The following PKNOX2 variants were observed in gnomAD, a reference collection of about 807,000 sequenced individuals.
PKNOX2 encodes PBX/knotted 1 homeobox 2, also known as homeobox protein PKNOX2.
In PKNOX2, 14 loss-of-function variants were observed where a neutral mutation model predicts 53.1. The ratio of observed to expected loss-of-function variants is 0.26; its 90% confidence interval spans 0.17 to 0.41. PKNOX2 has a LOEUF of 0.41. PKNOX2 is among the 10% of genes least tolerant of loss of function. The probability of loss-of-function intolerance (pLI) is 1.00; values close to 1 mark genes in which losing one functional copy is unlikely to be tolerated. For missense variants in PKNOX2, 496 were observed against 602.8 expected, an observed-to-expected ratio of 0.82 and a Z score of 1.85; for synonymous variants, 257 against 242.8, an observed-to-expected ratio of 1.06 and a Z score of -0.54.
intron 1 of PKNOX2, among the ~76,000 whole-genome samples, chr11:125,185,219 C>A (rs1239524333): frequency 6.6e-6 from 1 of 152,208 alleles, no homozygotes; most frequent in Non-Finnish European, 1.5e-5. Flanking sequence ...GTTGCAAAAC[C>A]TGTGTACATT....
At chr11:125,232,788 G>T (rs532632821) in intron 1 of PKNOX2, among the ~76,000 whole-genome samples, 175 of 151,628 alleles carry the variant, frequency 1.2e-3, no homozygotes, top group Non-Finnish European at 2.1e-3. Flanking sequence ...TCATATCCTG[G>T]GCTCATTTTG....
At chr11:125,327,374 G>A (rs1411087137) in intron 2 of PKNOX2, among the ~76,000 whole-genome samples, 1 of 152,236 alleles carries the variant, frequency 6.6e-6, no homozygotes, top group Non-Finnish European at 1.5e-5. Context: ...TTTATCTTCA[G>A]TGTGAAGCTC....
At chr11:125,290,032 G>A (rs962290102) in intron 2 of PKNOX2, among the ~76,000 whole-genome samples, 13 of 152,228 alleles carry the variant, frequency 8.5e-5, no homozygotes, top group African/African-American at 3.1e-4. Flanking sequence ...GCATGAAAGA[G>A]TGGAGGATCA....
chr11:125,202,322 G>T (rs915142177), intron 1 of PKNOX2, among the ~76,000 whole-genome samples: 3 of 152,132 alleles, frequency 2.0e-5, no homozygotes, highest in Admixed American at 1.3e-4. Flanking sequence ...CTCACCAAGG[G>T]GCCTTATCCC....
At chr11:125,245,105 G>A (rs1408390863) in intron 2 of PKNOX2, among the ~76,000 whole-genome samples, 1 of 152,210 alleles carries the variant, frequency 6.6e-6, no homozygotes, top group Non-Finnish European at 1.5e-5. Flanking sequence ...CTCCCTGGGG[G>A]AGACCTTCCA....
rs73617523 is a variant in PKNOX2, at chr11:125,198,644, A to T, written c.-201+33868A>T. Among the ~76,000 whole-genome samples the T allele has an allele frequency of 9.7e-3, 1,478 of 152,240 alleles. 33 individuals are homozygous for T. Among genetic ancestry groups the T allele is most frequent in the African/African-American group, 0.034 (1,413 of 41,528 alleles). ...CCTCGAGTTTCCGACCTGTGATAAC[A>T]GGGGCCTGCTCTAAGACAATCGGTG... On this transcript the variant is annotated intron_variant, in intron 1 of 12. Coordinates refer to ENST00000298282, the MANE Select transcript of PKNOX2 (RefSeq NM_001382323.2).
intron 1 of PKNOX2, among the ~76,000 whole-genome samples, chr11:125,226,514 A>G (rs1941707555): frequency 6.6e-6 from 1 of 152,132 alleles, no homozygotes; most frequent in Admixed American, 6.6e-5. Context: ...ACAGAGTCAT[A>G]ACACTATGAG....
At chr11:125,199,660 A>G (rs1215418406) in intron 1 of PKNOX2, among the ~76,000 whole-genome samples, 1 of 152,160 alleles carries the variant, frequency 6.6e-6, no homozygotes, top group Non-Finnish European at 1.5e-5. Flanking sequence ...CCTGGCCAAC[A>G]TGGTAAAACT....
intron 10 of PKNOX2, among the ~76,000 whole-genome samples, chr11:125,425,920 C>G (rs1591569174): frequency 6.8e-4 from 2 of 2,940 alleles, no homozygotes; most frequent in Non-Finnish European, 1.7e-3. Context: ...AGATACTGGA[C>G]GTCCAGGAGG....
chr11:125,195,226 C>T (rs2135371377), intron 1 of PKNOX2, among the ~76,000 whole-genome samples: 1 of 152,302 alleles, frequency 6.6e-6, no homozygotes, highest in East Asian at 1.9e-4. Context: ...GATTCTCAGC[C>T]TAGAAAGAAG....
intron 2 of PKNOX2, chr11:125,288,102 C>G (rs530165784): frequency 1.3e-5 from 2 of 152,376 alleles, no homozygotes; most frequent in East Asian, 3.9e-4. Flanking sequence ...TGTGCTGAAG[C>G]TTTTCTTAGG....
intron 2 of PKNOX2, among the ~76,000 whole-genome samples, chr11:125,249,358 G>A (rs1943824398): frequency 6.6e-6 from 1 of 152,048 alleles, no homozygotes; most frequent in African/African-American, 2.4e-5. Flanking sequence ...CCATGGTGCA[G>A]CAAATAAACA....
At chr11:125,303,928 G>A (rs1863446) in intron 2 of PKNOX2, among the ~76,000 whole-genome samples, 29,849 of 152,162 alleles carry the variant, frequency 0.2, 3,512 homozygotes, top group East Asian at 0.33. Context: ...TTCTCTTCTC[G>A]GCTTCCCCCA....
chr11:125,287,921 G>A (rs1471027436), intron 2 of PKNOX2: 7 of 152,176 alleles, frequency 4.6e-5, no homozygotes, highest in Admixed American at 3.9e-4. Flanking sequence ...CCTGTCAGCA[G>A]GGCTTGGCTT....
chr11:125,315,175 C>T (rs918140988), intron 2 of PKNOX2, among the ~76,000 whole-genome samples: 2 of 152,042 alleles, frequency 1.3e-5, no homozygotes, highest in Admixed American at 6.6e-5. Context: ...CCTCTCCCCA[C>T]CTCCTTCCTT....
chr11:125,348,491 G>A (rs1375202767), intron 3 of PKNOX2, among the ~76,000 whole-genome samples: 1 of 152,250 alleles, frequency 6.6e-6, no homozygotes, highest in East Asian at 1.9e-4. Flanking sequence ...GGCCATCTGG[G>A]TCCTCAGAAT....
At chr11:125,229,151 C>T (rs778785279) in intron 1 of PKNOX2, among the ~76,000 whole-genome samples, 8 of 152,136 alleles carry the variant, frequency 5.3e-5, no homozygotes, top group East Asian at 1.9e-4. Context: ...CAGCTGAGTA[C>T]GGCACAGCTG....
rs927261582 is a variant in PKNOX2, at chr11:125,379,035, A to G, written c.228-6516A>G. ...AGAAAGAGAAATGAAAAAGGATCCA[A>G]CTACCTTTTTTTTCTTTCTCTTTTT... On this transcript the variant is annotated intron_variant, in intron 5 of 12. Coordinates refer to ENST00000298282, the MANE Select transcript of PKNOX2 (RefSeq NM_001382323.2). Among the ~76,000 whole-genome samples, 93 of 148,748 alleles carry G rather than the reference A, an allele frequency of 6.3e-4. 2 individuals carry two copies. Among genetic ancestry groups the G allele is most frequent in the African/African-American group, 2.3e-3 (91 of 40,302 alleles).
chr11:125,205,350 A>G (rs1298318150), intron 1 of PKNOX2, among the ~76,000 whole-genome samples: 2 of 152,158 alleles, frequency 1.3e-5, no homozygotes, highest in Non-Finnish European at 2.9e-5. Context: ...ACCCAGGCCC[A>G]GGTGGGCTCT....
Sources: allele counts gnomAD v4.1 joint callset (sites outside exome capture counted in the v4.1 genomes callset), GRCh38; gene constraint gnomAD v4.1.1; transcripts MANE v1.5; gene names NCBI Gene and HGNC (gene_info 2026-07-23, HGNC 2026-07-21).